The following PPP2R2D variants were observed in gnomAD, a reference collection of about 807,000 sequenced individuals.
PPP2R2D encodes protein phosphatase 2 regulatory subunit Bdelta.
In PPP2R2D, 9 loss-of-function variants were observed where a neutral mutation model predicts 31.1. The observed-to-expected ratio is 0.29, with a 90% CI of 0.17 to 0.51. The LOEUF is 0.51. PPP2R2D is among the 20% of genes least tolerant of loss of function. The pLI is 0.98. For missense variants in PPP2R2D, 391 were observed against 465.6 expected, an observed-to-expected ratio of 0.84 and a Z score of 1.48; for synonymous variants, 179 against 172.6, an observed-to-expected ratio of 1.04 and a Z score of -0.29.
In PPP2R2D at chr10:131,945,586, A is replaced by C. The variant is rs1221888450; in HGVS notation, c.820+127A>C. 7.1e-6 allele frequency: 8 copies of C among 1,131,106 alleles called. No individual in the cohort carries two copies. Among genetic ancestry groups the C allele is most frequent in the Non-Finnish European group, 9.8e-6 (8 of 815,390 alleles). The allele number at this position is 1,131,106 out of a possible 1,614,324, so 70.1% of individuals were successfully genotyped here. ...GCAAGTCTTCTGCCTCGGCCTCCCG[A>C]GTAGCTGGGACCACAGGCAGGTGCC... On this transcript the variant is annotated intron_variant, in intron 7 of 8. Coordinates refer to ENST00000455566, the MANE Select transcript of PPP2R2D (RefSeq NM_018461.5). This position sits in a 1 kb window ranked among gnomAD's most constrained non-coding sequence, Gnocchi z 4.8.
intron 8 of PPP2R2D, among the ~76,000 whole-genome samples, chr10:131,952,076 TAAC>T (rs201391980): frequency 7.1e-6 from 1 of 140,014 alleles, no homozygotes; most frequent in Non-Finnish European, 1.5e-5. Context: ...GTCCCTGTCT[TAAC>T]AGTGACTTGC....
Position 131,956,259 on chromosome 10 carries a change from C to A in PPP2R2D, c.*296C>A. On this transcript the variant is annotated 3_prime_UTR_variant, in exon 9 of 9. Coordinates refer to ENST00000455566, the MANE Select transcript of PPP2R2D (RefSeq NM_018461.5). ...TTTATTTCAGTCCGAGCCTTCCTTT[C>A]CAATTTATAGACCAAAAAATTAACA... 1 of 1,095,822 alleles carries A rather than the reference C, an allele frequency of 9.1e-7. No individual in the cohort carries two copies. The highest frequency in any genetic ancestry group is 1.1e-6 in the Non-Finnish European group (1 of 901,854). The allele number at this position is 1,095,822 out of a possible 1,614,324, so 67.9% of individuals were successfully genotyped here. A position where few individuals can be genotyped will look rare whatever the true frequency, so the allele number is the denominator to read the frequency against.
At chr10:131,909,665 G>A (rs1259822712) in intron 2 of PPP2R2D, among the ~76,000 whole-genome samples, 1 of 152,208 alleles carries the variant, frequency 6.6e-6, no homozygotes. Context: ...TGTCGCCCAG[G>A]TTGTGGTTTG....
At chr10:131,922,450 A>G (rs1554894371) in intron 2 of PPP2R2D, among the ~76,000 whole-genome samples, 1 of 139,614 alleles carries the variant, frequency 7.2e-6, no homozygotes, top group African/African-American at 2.8e-5. Context: ...CTTATCTGTC[A>G]ATTGTTTTTT....
intron 2 of PPP2R2D, among the ~76,000 whole-genome samples, chr10:131,917,739 A>G (rs1554893445): frequency 8.3e-6 from 1 of 119,980 alleles, no homozygotes. Context: ...ACGTGGGTGG[A>G]ATGACACAGT....
intron 2 of PPP2R2D, among the ~76,000 whole-genome samples, chr10:131,909,431 T>A (rs2035648009): frequency 6.6e-6 from 1 of 152,154 alleles, no homozygotes; most frequent in Admixed American, 6.5e-5. Flanking sequence ...TAATAAAGAT[T>A]GGGAAAATGG....
At chr10:131,931,408 C>T (rs1010851704) in intron 2 of PPP2R2D, among the ~76,000 whole-genome samples, 2 of 152,106 alleles carry the variant, frequency 1.3e-5, no homozygotes, top group Admixed American at 6.5e-5. Flanking sequence ...AGTGCAGTGG[C>T]GTGATCTCAG....
At chr10:131,962,208 G>A (rs2036929111), downstream of PPP2R2D, among the ~76,000 whole-genome samples, 1 of 152,196 alleles carries the variant, frequency 6.6e-6, no homozygotes, top group Non-Finnish European at 1.5e-5. Flanking sequence ...GCTCGCAGTG[G>A]CCAGGATCCC....
chr10:131,925,678 AT>A (rs1261320722), intron 2 of PPP2R2D, among the ~76,000 whole-genome samples: 1 of 152,010 alleles, frequency 6.6e-6, no homozygotes, highest in African/African-American at 2.4e-5. Context: ...ATGATGCAAG[AT>A]TTTTTTTGCT....
At chr10:131,937,532 A>G (rs1318102217) in intron 3 of PPP2R2D, among the ~76,000 whole-genome samples, 3 of 151,372 alleles carry the variant, frequency 2.0e-5, no homozygotes, top group Admixed American at 1.3e-4. Flanking sequence ...GAGATCTGGG[A>G]GTGTTGGAGA....
chr10:131,941,343 T>G (rs781808053), intron 5 of PPP2R2D, among the ~76,000 whole-genome samples: 1 of 152,254 alleles, frequency 6.6e-6, no homozygotes, highest in Non-Finnish European at 1.5e-5. Flanking sequence ...ATTGGCCTGG[T>G]GCTACGCACC....
the PPP2R2D span, among the ~76,000 whole-genome samples, chr10:131,965,268 G>A: frequency 1.3e-5 from 2 of 152,120 alleles, no homozygotes; most frequent in Non-Finnish European, 2.9e-5. Flanking sequence ...CAGCACGGAG[G>A]CTGGGCGCCA....
downstream of PPP2R2D, among the ~76,000 whole-genome samples, chr10:131,962,469 A>G (rs1554901600): frequency 1.3e-5 from 2 of 152,152 alleles, no homozygotes; most frequent in African/African-American, 2.4e-5. Context: ...GGTGGCTGGG[A>G]AATGCTTCTG....
chr10:131,960,690 G>A (rs2036910533), downstream of PPP2R2D, among the ~76,000 whole-genome samples: 1 of 152,196 alleles, frequency 6.6e-6, no homozygotes. Context: ...TCACCCCTTT[G>A]CTTGCTTGGG....
intron 7 of PPP2R2D, among the ~76,000 whole-genome samples, chr10:131,946,428 CA>C (rs2036541715): frequency 1.3e-5 from 2 of 152,142 alleles, no homozygotes; most frequent in African/African-American, 4.8e-5. Context: ...AGCCGCTGCT[CA>C]TGTGCAGCGG....
At chr10:131,904,129 G>A (rs1196627456) in intron 2 of PPP2R2D, among the ~76,000 whole-genome samples, 1 of 152,232 alleles carries the variant, frequency 6.6e-6, no homozygotes, top group South Asian at 2.1e-4. Flanking sequence ...GCTTAAACCT[G>A]GGAGGTGGAG....
chr10:131,909,223 C>T (rs2035644972), intron 2 of PPP2R2D, among the ~76,000 whole-genome samples: 1 of 152,126 alleles, frequency 6.6e-6, no homozygotes, highest in Non-Finnish European at 1.5e-5. Context: ...AAGGGAGTGG[C>T]TGTGATGAGC....
chr10:131,946,651 A>G (rs918296425), intron 7 of PPP2R2D, among the ~76,000 whole-genome samples: 3 of 152,110 alleles, frequency 2.0e-5, no homozygotes, highest in South Asian at 2.1e-4. Context: ...TTGTCATCAG[A>G]GTGATTTATT....
At chr10:131,936,648 T>C (rs1233243685) in intron 3 of PPP2R2D, among the ~76,000 whole-genome samples, 1 of 152,214 alleles carries the variant, frequency 6.6e-6, no homozygotes, top group Non-Finnish European at 1.5e-5. Context: ...TAGTCTCAAA[T>C]ATAAAACAAA....
Sources: gnomAD v4.1 joint callset for allele counts (sites outside exome capture counted in the v4.1 genomes callset) on GRCh38, gnomAD v4.1.1 for gene constraint, Gnocchi (gnomAD v3.1) non-coding constraint, MANE v1.5 for transcripts, NCBI Gene and HGNC (gene_info 2026-07-23, HGNC 2026-07-21) for gene names.